The following PTPRD variants were observed in gnomAD, a reference collection of about 807,000 sequenced individuals.
The protein encoded by PTPRD is receptor-type tyrosine-protein phosphatase delta.
PTPRD carries 34 observed loss-of-function variants against 214.5 expected under a neutral mutation model. The observed-to-expected ratio is 0.16, with a 90% CI of 0.12 to 0.21. The LOEUF is 0.21. Among genes scored for constraint, PTPRD ranks in the 10% least tolerant of loss-of-function variants. PTPRD has a pLI of 1.00. For synonymous variants in PTPRD, 1,128 were observed against 845.7 expected, an observed-to-expected ratio of 1.33 and a Z score of -5.79; for missense variants, 2,545 against 2,398.7, an observed-to-expected ratio of 1.06 and a Z score of -1.27.
intron 37 of PTPRD, among the ~76,000 whole-genome samples, chr9:8,385,337 G>A (rs1186590020): frequency 6.6e-6 from 1 of 152,074 alleles, no homozygotes; most frequent in African/African-American, 2.4e-5. Flanking sequence ...GACCAGCCTG[G>A]GCAAAAAAGT....
intron 10 of PTPRD, among the ~76,000 whole-genome samples, chr9:9,069,558 A>T (rs1173321737): frequency 6.6e-6 from 1 of 152,228 alleles, no homozygotes; most frequent in Non-Finnish European, 1.5e-5. Context: ...GTTCAGTAAC[A>T]ACCTTAGATT....
chr9:9,438,944 A>G (rs1276215187), intron 8 of PTPRD, among the ~76,000 whole-genome samples: 2 of 152,158 alleles, frequency 1.3e-5, no homozygotes, highest in Non-Finnish European at 2.9e-5. Context: ...CAACTTTATC[A>G]TTATCAGTCT....
At chr9:9,872,608 A>G (rs2065786120) in intron 5 of PTPRD, among the ~76,000 whole-genome samples, 1 of 152,034 alleles carries the variant, frequency 6.6e-6, no homozygotes, top group Non-Finnish European at 1.5e-5. Context: ...CACCACCACC[A>G]CCACCAATAA....
intron 10 of PTPRD, among the ~76,000 whole-genome samples, chr9:9,116,247 T>G (rs1440010501): frequency 6.6e-6 from 1 of 152,160 alleles, no homozygotes; most frequent in Non-Finnish European, 1.5e-5. Flanking sequence ...AAATGTGGTG[T>G]GTATATAAAT....
intron 11 of PTPRD, among the ~76,000 whole-genome samples, chr9:8,933,803 T>TAATAA (rs772270279): frequency 6.6e-6 from 1 of 152,136 alleles, no homozygotes; most frequent in Non-Finnish European, 1.5e-5. Flanking sequence ...CCATCTTTAA[T>TAATAA]AATAAAAATC....
At chr9:8,968,089 C>A (rs2099210866) in intron 11 of PTPRD, among the ~76,000 whole-genome samples, 2 of 152,050 alleles carry the variant, frequency 1.3e-5, no homozygotes, top group South Asian at 2.1e-4. Flanking sequence ...TGAACTCATC[C>A]CTTTTTATGG....
chr9:9,633,604 T>G (rs1464780514), intron 7 of PTPRD, among the ~76,000 whole-genome samples: 1 of 152,150 alleles, frequency 6.6e-6, no homozygotes, highest in African/African-American at 2.4e-5. Context: ...TCTAGCTCAC[T>G]CCCTCAGCTC....
intron 7 of PTPRD, among the ~76,000 whole-genome samples, chr9:9,600,156 G>C (rs927026310): frequency 1.3e-5 from 2 of 152,022 alleles, no homozygotes; most frequent in African/African-American, 4.8e-5. Flanking sequence ...CACGATAGAG[G>C]TACAAGAAAG....
intron 9 of PTPRD, among the ~76,000 whole-genome samples, chr9:9,368,423 A>G (rs16929218): frequency 0.058 from 8,755 of 151,908 alleles, 661 homozygotes; most frequent in African/African-American, 0.17. Context: ...GCATCCTTTC[A>G]TCTACTACAA....
chr9:8,422,442 A>T (rs1183288038), intron 35 of PTPRD, among the ~76,000 whole-genome samples: 1 of 152,108 alleles, frequency 6.6e-6, no homozygotes, highest in Non-Finnish European at 1.5e-5. Context: ...GTTTGTTTTT[A>T]TCTAGGGAGT....
At chr9:8,507,572 T>C in intron 21 of PTPRD, 138 bp from the exon 22 acceptor site, 1 of 1,010,094 alleles carries the variant, frequency 9.9e-7, no homozygotes, top group Non-Finnish European at 1.5e-6. Context: ...TCCTTTACCT[T>C]GTCCAAGTTA....
chr9:9,370,680 G>C (rs530088015), intron 9 of PTPRD, among the ~76,000 whole-genome samples: 8 of 151,972 alleles, frequency 5.3e-5, no homozygotes, highest in Admixed American at 1.3e-4. Context: ...GGGCATCCCT[G>C]TCTTGTGCCA....
chr9:9,284,466 C>G (rs17668620), intron 9 of PTPRD, among the ~76,000 whole-genome samples: 19,840 of 151,634 alleles, frequency 0.13, 1,651 homozygotes, highest in Middle Eastern at 0.21. Flanking sequence ...AGCTTACGAG[C>G]ACAAGCAAAA....
At chr9:8,671,394 T>C (rs539072870) in intron 12 of PTPRD, among the ~76,000 whole-genome samples, 1 of 152,254 alleles carries the variant, frequency 6.6e-6, no homozygotes, top group East Asian at 1.9e-4. Context: ...GTAGGAAATA[T>C]GTATCATGTA....
At chr9:8,837,344 A>C (rs960957519) in intron 11 of PTPRD, among the ~76,000 whole-genome samples, 24 of 152,152 alleles carry the variant, frequency 1.6e-4, no homozygotes, top group African/African-American at 5.6e-4. Context: ...AGAGATAGCA[A>C]AGATACAGGA....
rs1430726910 is a variant in PTPRD at position 10,255,472 on chromosome 9, C to T, written c.-545+85491G>A. Reference sequence around the variant, plus strand: ...TACAGTATAAAAGATAAAAGTGATACACCTGCATAAGGCACTTAGCATGAA... The same window carrying T: ...TACAGTATAAAAGATAAAAGTGATATACCTGCATAAGGCACTTAGCATGAA... On this transcript the variant is annotated intron_variant, in intron 3 of 45. Coordinates refer to ENST00000381196, the MANE Select transcript of PTPRD (RefSeq NM_002839.4). Among the ~76,000 whole-genome samples the T allele has an allele frequency of 2.0e-5, 3 of 152,110 alleles. No individual in the cohort carries two copies. The East Asian group carries it at 5.8e-4, about 29-fold the overall frequency.
At chr9:10,204,376 A>G (rs576732031) in intron 3 of PTPRD, among the ~76,000 whole-genome samples, 16 of 152,250 alleles carry the variant, frequency 1.1e-4, no homozygotes, top group Middle Eastern at 6.8e-3. Context: ...GATTTTGAAA[A>G]ATCCTCTAAA....
intron 12 of PTPRD, among the ~76,000 whole-genome samples, chr9:8,651,047 G>C (rs1198144514): frequency 6.6e-6 from 1 of 152,000 alleles, no homozygotes; most frequent in Non-Finnish European, 1.5e-5. Flanking sequence ...TTCCAATTGA[G>C]CACATGTAGC....
chr9:9,058,908 A>G (rs2099702039), intron 10 of PTPRD, among the ~76,000 whole-genome samples: 3 of 152,172 alleles, frequency 2.0e-5, no homozygotes, highest in South Asian at 4.1e-4. Flanking sequence ...ATGAGGACTG[A>G]TTATAATACA....
Sources: allele counts gnomAD v4.1 joint callset (sites outside exome capture counted in the v4.1 genomes callset), GRCh38; gene constraint gnomAD v4.1.1; transcripts MANE v1.5; gene names NCBI Gene and HGNC (gene_info 2026-07-23, HGNC 2026-07-21).